The following SLC25A48 variants were observed in gnomAD, a reference collection of about 807,000 sequenced individuals.
SLC25A48 encodes solute carrier family 25 member 48.
Under a neutral mutation model 32.2 loss-of-function variants are expected in SLC25A48, and 29 were observed. That is an observed-to-expected ratio of 0.90 (90% CI 0.67 to 1.23). The LOEUF is 1.23. SLC25A48 is among the 50% of genes most tolerant of loss of function. The pLI is 0.00. For synonymous variants in SLC25A48, 164 were observed against 172.3 expected (o/e 0.95, Z 0.38); for missense variants, 399 against 422.7 (o/e 0.94, Z 0.49).
chr5:135,806,906 G>A (rs1422720999), intron 3 of SLC25A48, among the ~76,000 whole-genome samples: 1 of 149,822 alleles, frequency 6.7e-6, no homozygotes, highest in Non-Finnish European at 1.5e-5. Flanking sequence ...TATTATGAAT[G>A]TCATTGATAT....
chr5:135,816,492 A>G (rs1015810317), intron 4 of SLC25A48, among the ~76,000 whole-genome samples: 3 of 152,214 alleles, frequency 2.0e-5, no homozygotes, highest in African/African-American at 7.2e-5. Context: ...TTACTCAATA[A>G]ATTCTTACCC....
intron 1 of SLC25A48, among the ~76,000 whole-genome samples, chr5:135,835,886 C>T (rs986434222): frequency 3.3e-5 from 5 of 152,136 alleles, no homozygotes; most frequent in Admixed American, 3.3e-4. Flanking sequence ...CAGGGCCCTG[C>T]TTCACACCTT....
At chr5:135,833,200 A>C (rs1394036550), upstream of SLC25A48, among the ~76,000 whole-genome samples, 2 of 152,216 alleles carry the variant, frequency 1.3e-5, no homozygotes, top group Admixed American at 1.3e-4. Context: ...TCATTTTGGA[A>C]AGCAACCCAC....
intron 3 of SLC25A48, among the ~76,000 whole-genome samples, chr5:135,635,742 G>A (rs564798968): frequency 3.3e-5 from 5 of 152,152 alleles, no homozygotes; most frequent in Admixed American, 6.5e-5. Context: ...CGCAGAATTG[G>A]GAAGAGATAC....
chr5:135,632,760 G>A (rs1752606120), intron 2 of SLC25A48, among the ~76,000 whole-genome samples: 1 of 152,178 alleles, frequency 6.6e-6, no homozygotes, highest in South Asian at 2.1e-4. Context: ...GTGGTTGCCA[G>A]CCCCATGAAT....
At chr5:135,860,141 T>A (rs954614582) in intron 4 of SLC25A48, among the ~76,000 whole-genome samples, 2 of 152,172 alleles carry the variant, frequency 1.3e-5, no homozygotes, top group Non-Finnish European at 2.9e-5. Context: ...GCTTGAAGGA[T>A]AAAGTCAAAA....
At chr5:135,764,278 A>C (rs1237684227) in intron 3 of SLC25A48, among the ~76,000 whole-genome samples, 1 of 151,952 alleles carries the variant, frequency 6.6e-6, no homozygotes, top group Non-Finnish European at 1.5e-5. Flanking sequence ...TATTAACCAC[A>C]GAAAAACATA....
At chr5:135,817,460 G>A (rs953753960) in intron 4 of SLC25A48, among the ~76,000 whole-genome samples, 10 of 152,210 alleles carry the variant, frequency 6.6e-5, no homozygotes, top group Non-Finnish European at 1.5e-4. Flanking sequence ...TTTTCAGCCA[G>A]TGAGGCACAA....
chr5:135,730,209 A>G (rs1247956150), intron 3 of SLC25A48, among the ~76,000 whole-genome samples: 1 of 152,182 alleles, frequency 6.6e-6, no homozygotes, highest in Admixed American at 6.5e-5. Context: ...TACTGTTCCA[A>G]TTTGATATGG....
At chr5:135,717,139 A>G (rs1754820692) in intron 3 of SLC25A48, among the ~76,000 whole-genome samples, 1 of 152,202 alleles carries the variant, frequency 6.6e-6, no homozygotes, top group Admixed American at 6.5e-5. Context: ...TGTCGCTAGC[A>G]TCAGGGAGCT....
intron 1 of SLC25A48, among the ~76,000 whole-genome samples, chr5:135,595,624 C>T (rs983043233): frequency 6.6e-6 from 1 of 152,188 alleles, no homozygotes; most frequent in Non-Finnish European, 1.5e-5. Context: ...AGAGCAGGGG[C>T]TTTGAATTGA....
chr5:135,648,113 C>T (rs963736597), intron 3 of SLC25A48, among the ~76,000 whole-genome samples: 1 of 152,116 alleles, frequency 6.6e-6, no homozygotes, highest in Non-Finnish European at 1.5e-5. Context: ...TAGCCTCAAC[C>T]CCCAAATTAG....
chr5:135,732,508 G>C (rs1340961886), intron 3 of SLC25A48, among the ~76,000 whole-genome samples: 1 of 152,194 alleles, frequency 6.6e-6, no homozygotes, highest in African/African-American at 2.4e-5. Flanking sequence ...AAATCCCCGA[G>C]CTTGATGTGT....
At chr5:135,623,118 C>T (rs917092387) in intron 1 of SLC25A48, among the ~76,000 whole-genome samples, 11 of 152,294 alleles carry the variant, frequency 7.2e-5, no homozygotes, top group African/African-American at 2.4e-4. Context: ...ACATGCTGCT[C>T]CAGCAAAGGG....
intron 5 of SLC25A48, among the ~76,000 whole-genome samples, chr5:135,873,494 C>T (rs1313579185): frequency 6.6e-6 from 1 of 152,176 alleles, no homozygotes; most frequent in Non-Finnish European, 1.5e-5. Flanking sequence ...CCCAGGCTGG[C>T]CCTTCCTTTG....
chr5:135,792,618 C>T (rs916031034), intron 3 of SLC25A48, among the ~76,000 whole-genome samples: 3 of 151,714 alleles, frequency 2.0e-5, no homozygotes, highest in African/African-American at 7.3e-5. Flanking sequence ...CTTGTTTGTA[C>T]GTCTTTGGAT....
intron 3 of SLC25A48, among the ~76,000 whole-genome samples, chr5:135,799,148 G>C (rs1561498797): frequency 6.6e-6 from 1 of 151,750 alleles, no homozygotes. Context: ...ATATCGCAGG[G>C]GATGTACAGC....
chr5:135,620,078 G>A lies in SLC25A48; in HGVS notation c.-848-9159G>A, dbSNP rs1261404896. Among the ~76,000 whole-genome samples, 5 of 152,298 alleles carry A rather than the reference G, an allele frequency of 3.3e-5. No homozygotes were observed. In the South Asian group the frequency reaches 8.3e-4, roughly 25 times the overall value. On this transcript the variant is annotated intron_variant, in intron 1 of 10. Transcript: ENST00000646290. ...AGGAGTGGCATGAGCGATGGCAATA[G>A]CAGTGGTCAGACAACCTTCTGGGAC...
chr5:135,643,681 G>GT (rs1752892663), intron 3 of SLC25A48, among the ~76,000 whole-genome samples: 1 of 152,188 alleles, frequency 6.6e-6, no homozygotes, highest in Non-Finnish European at 1.5e-5. Flanking sequence ...CAGAAACCAT[G>GT]TTTTTTCTGT....
Sources: allele counts gnomAD v4.1 joint callset (sites outside exome capture counted in the v4.1 genomes callset), GRCh38; gene constraint gnomAD v4.1.1; transcripts MANE v1.5; gene names NCBI Gene and HGNC (gene_info 2026-07-23, HGNC 2026-07-21).